Variants in FEZ1 observed in about 807,000 individuals in gnomAD.
FEZ1 encodes the protein fasciculation and elongation protein zeta-1.
Under a neutral mutation model 49.3 loss-of-function variants are expected in FEZ1, and 20 were observed. That is an observed-to-expected ratio of 0.41 (90% CI 0.29 to 0.59). The LOEUF is 0.59. FEZ1 is among the 20% of genes least tolerant of loss of function. The pLI, the probability that FEZ1 is intolerant of heterozygous loss-of-function variation, is 0.36. For missense variants in FEZ1, 413 were observed against 476.0 expected (o/e 0.87, Z 1.23); for synonymous variants, 170 against 180.9 (o/e 0.94, Z 0.48).
intron 2 of FEZ1, among the ~76,000 whole-genome samples, chr11:125,482,229 T>C (rs1288537580): frequency 6.6e-6 from 1 of 152,146 alleles, no homozygotes; most frequent in Non-Finnish European, 1.5e-5. Flanking sequence ...ATACAGTGAG[T>C]GCTTACTTAC....
intron 3 of FEZ1, among the ~76,000 whole-genome samples, chr11:125,480,115 C>G (rs1210612491): frequency 6.6e-6 from 1 of 152,160 alleles, no homozygotes; most frequent in African/African-American, 2.4e-5. Flanking sequence ...GTGGCTCACA[C>G]CTGTAATCCC....
Position 125,463,480 on chromosome 11 carries a change from A to T in FEZ1, c.498+4T>A. 6.4e-7 allele frequency: 1 copy of T among 1,566,300 alleles called. No individual in the cohort carries two copies. The highest frequency in any genetic ancestry group is 8.8e-7 in the Non-Finnish European group (1 of 1,136,576). On this transcript the variant is annotated splice_donor_region_variant and intron_variant, in intron 4 of 9. Transcript: ENST00000278919. ...GTCCCGATAACCTGGAGAGATACTTATACCTGATCTGCTGTGAGCAGAGGC... is the reference window on the plus strand; with the variant it reads ...GTCCCGATAACCTGGAGAGATACTTTTACCTGATCTGCTGTGAGCAGAGGC...
chr11:125,474,359 G>T (rs940206329), intron 3 of FEZ1, among the ~76,000 whole-genome samples: 1 of 151,332 alleles, frequency 6.6e-6, no homozygotes, highest in Non-Finnish European at 1.5e-5. Context: ...TTTGAGAGGG[G>T]ATCTCACTAT....
chr11:125,471,052 A>T lies in FEZ1; in HGVS notation c.412-7482T>A, dbSNP rs73623123. 5.1e-3 allele frequency among the ~76,000 whole-genome samples: 770 copies of T among 152,308 alleles called. 10 individuals carry two copies. Among genetic ancestry groups the T allele is most frequent in the African/African-American group, 0.017 (717 of 41,584 alleles). On this transcript the variant is annotated intron_variant, in intron 3 of 9. Coordinates refer to ENST00000278919, the MANE Select transcript of FEZ1 (RefSeq NM_005103.5). ...GGACTATGATTAATTAATAATGTAT[A>T]GTGTAACCCCTAGAGAAACCACTAA...
chr11:125,460,281 T>A (rs974844173), intron 5 of FEZ1: 30 of 447,580 alleles, frequency 6.7e-5, no homozygotes, highest in African/African-American at 5.7e-4. Context: ...TGGTTAGTTT[T>A]AACATTTAAA....
At chr11:125,493,409 A>AGAAAGAAG (rs1957409853) in intron 1 of FEZ1, among the ~76,000 whole-genome samples, 3 of 68,404 alleles carry the variant, frequency 4.4e-5, no homozygotes, top group Admixed American at 1.8e-4. Context: ...AAAGAAAGAA[A>AGAAAGAAG]GAAAGAAAGA....
intron 3 of FEZ1, among the ~76,000 whole-genome samples, chr11:125,478,099 T>C (rs1405579913): frequency 6.6e-6 from 1 of 152,244 alleles, no homozygotes; most frequent in Non-Finnish European, 1.5e-5. Flanking sequence ...AATTTCTTAG[T>C]GCAGTCACAA....
intron 8 of FEZ1, among the ~76,000 whole-genome samples, chr11:125,450,320 A>G (rs1200070464): frequency 6.6e-6 from 1 of 152,116 alleles, no homozygotes; most frequent in East Asian, 1.9e-4. Flanking sequence ...GTGAGCCACC[A>G]TACTCGGCCT....
At position 125,490,435 on chromosome 11, in the gene FEZ1, G is replaced by A. The variant is rs577170980; in HGVS notation, c.-45-613C>T. On this transcript the variant is annotated intron_variant, in intron 1 of 9. Transcript: ENST00000278919. ...TCCCAGATCCCACTGGATGAAATGC[G>A]GAATGTACACTCTATTACTACTTTC... 5.3e-5 allele frequency among the ~76,000 whole-genome samples: 8 copies of A among 152,260 alleles called. No individual in the cohort carries two copies. In the South Asian group the frequency reaches 1.2e-3, roughly 24 times the overall value.
rs1956870770 is a variant in FEZ1 at position 125,443,188 on chromosome 11, A to G, written c.*2907T>C. 6.6e-6 allele frequency among the ~76,000 whole-genome samples: 1 copy of G among 152,170 alleles called. No homozygotes were observed. The highest frequency in any genetic ancestry group is 6.5e-5 in the Admixed American group (1 of 15,278). ...CCTGCAGACCGTGGCTCTCTGGCAC[A>G]CTTTGCGGAGTGCGGACATCCTAGA... is the stretch of plus-strand genomic sequence containing the variant. On this transcript the variant is annotated 3_prime_UTR_variant, in exon 10 of 10. Coordinates refer to ENST00000278919, the MANE Select transcript of FEZ1 (RefSeq NM_005103.5).
intron 3 of FEZ1, among the ~76,000 whole-genome samples, chr11:125,468,466 A>G (rs2135759229): frequency 6.6e-6 from 1 of 152,310 alleles, no homozygotes; most frequent in South Asian, 2.1e-4. Context: ...CTGTGCTTAC[A>G]GGTGTGAGCC....
rs906141344 is a variant in FEZ1, at chr11:125,495,297, G to T, written c.-46+824C>A. The T allele has an allele frequency of 1.1e-5, 5 of 449,262 alleles. No individual in the cohort carries two copies. The highest frequency in any genetic ancestry group is 1.0e-4 in the African/African-American group (5 of 49,588). 27.8% of individuals were successfully genotyped at this position (449,262 alleles called of 1,614,324 possible). A position where few individuals can be genotyped will look rare whatever the true frequency, so the allele number is the denominator to read the frequency against. On this transcript the variant is annotated intron_variant, in intron 1 of 9. Transcript: ENST00000278919. The surrounding 1 kb of genome is among the most constrained non-coding windows in gnomAD (Gnocchi z 4.2). Reference sequence around the variant, plus strand: ...CTCCACTGCCCTTCCGGCCAAACAAGCCCGGACACGGGAGAGGGATGAGAG... The same window carrying T: ...CTCCACTGCCCTTCCGGCCAAACAATCCCGGACACGGGAGAGGGATGAGAG...
rs1023108368 is a variant in FEZ1 at position 125,443,037 on chromosome 11, T to C, written c.*3058A>G. Among the ~76,000 whole-genome samples the C allele has an allele frequency of 6.6e-6, 1 of 152,030 alleles. No individual in the cohort carries two copies. Among genetic ancestry groups the C allele is most frequent in the Non-Finnish European group, 1.5e-5 (1 of 67,996 alleles). ...AGGCATGAGCCACCACGCCCGGCCC[T>C]GTGGTGGAGTTTTCTTACCAGAACT... On this transcript the variant is annotated 3_prime_UTR_variant, in exon 10 of 10. Transcript: ENST00000278919.
In FEZ1 at chr11:125,445,059, A is replaced by C. The variant is rs34238592; in HGVS notation, c.*1036T>G. ...ATTCAGACTGTGGTGAGATCGAGCC[A>C]GCATCCGGGATACGAGGAGACCTTC... On this transcript the variant is annotated 3_prime_UTR_variant, in exon 10 of 10. Coordinates refer to ENST00000278919, the MANE Select transcript of FEZ1 (RefSeq NM_005103.5). This position sits in a 1 kb window ranked among gnomAD's most constrained non-coding sequence, Gnocchi z 4.4. 0.14 allele frequency among the ~76,000 whole-genome samples: 21,235 copies of C among 152,208 alleles called. 1,607 individuals are homozygous for C. Among genetic ancestry groups the C allele is most frequent in the East Asian group, 0.28 (1,435 of 5,152 alleles).
chr11:125,466,853 CCATT>C (rs1957135150), intron 3 of FEZ1, among the ~76,000 whole-genome samples: 1 of 152,084 alleles, frequency 6.6e-6, no homozygotes, highest in African/African-American at 2.4e-5. Flanking sequence ...TCAAATGACC[CCATT>C]CATAGAAAAG....
rs555223569 is a variant in FEZ1 at position 125,493,362 on chromosome 11, AAAAGAAAGAAAGAAAGAAAGAAAG to A, written c.-46+2735_-46+2758del. Among the ~76,000 whole-genome samples, 326 of 49,572 alleles carry A rather than the reference AAAAGAAAGAAAGAAAGAAAGAAAG, an allele frequency of 6.6e-3. 7 individuals are homozygous for A. Among genetic ancestry groups the A allele is most frequent in the Non-Finnish European group, 9.4e-3 (245 of 26,000 alleles). The allele number at this position is 49,572 out of a possible 152,430, so 32.5% of individuals were successfully genotyped here. On this transcript the variant is annotated intron_variant, in intron 1 of 9. Transcript: ENST00000278919. ...GAAAGAAAGAAAGAAAGAAAGAGAG[AAAAGAAAGAAAGAAAGAAAGAAAG>A]AAAGAAAGAAAGAAAGAAAGAAAGA...
chr11:125,457,442 A>ATATG (rs1957025319), intron 5 of FEZ1, among the ~76,000 whole-genome samples: 1 of 72,290 alleles, frequency 1.4e-5, no homozygotes, highest in Admixed American at 1.5e-4. Flanking sequence ...ATATATATAT[A>ATATG]TATATATATG....
At chr11:125,491,952 T>C (rs1957386940) in intron 1 of FEZ1, among the ~76,000 whole-genome samples, 1 of 152,198 alleles carries the variant, frequency 6.6e-6, no homozygotes, top group South Asian at 2.1e-4. Flanking sequence ...GATTTCCTCA[T>C]TTGTTATAAG....
chr11:125,449,209 ATTT>A (rs35234938), intron 8 of FEZ1, among the ~76,000 whole-genome samples: 1 of 138,104 alleles, frequency 7.2e-6, no homozygotes. Flanking sequence ...TGCCCAGCTA[ATTT>A]TTTTTTTTTT....
Sources: allele counts gnomAD v4.1 joint callset (sites outside exome capture counted in the v4.1 genomes callset), GRCh38; gene constraint gnomAD v4.1.1; non-coding constraint Gnocchi (gnomAD v3.1); transcripts MANE v1.5; gene names NCBI Gene and HGNC (gene_info 2026-07-23, HGNC 2026-07-21).